Variants in CWF19L2 observed in about 807,000 individuals in gnomAD.
CWF19L2 encodes CWF19-like protein 2.
In CWF19L2, 98 loss-of-function variants were observed where a neutral mutation model predicts 111.7. The ratio of observed to expected loss-of-function variants is 0.88; its 90% CI spans 0.75 to 1.04. The LOEUF is 1.04. CWF19L2 is among the 50% of genes least tolerant of loss of function. The pLI is 0.00. For missense variants in CWF19L2, 1,101 were observed against 1,051.4 expected (o/e 1.05, Z -0.65); for synonymous variants, 351 against 342.9 (o/e 1.02, Z -0.26).
intron 10 of CWF19L2, chr11:107,403,673 T>G: frequency 1.3e-6 from 1 of 779,102 alleles, no homozygotes; most frequent in Non-Finnish European, 2.4e-6. Flanking sequence ...TTGTTCTTCC[T>G]CAGGAATGAT....
rs769300336 is a variant in CWF19L2, at chr11:107,455,789, A to G, written c.106-13T>C. The G allele has an allele frequency of 1.6e-5, 21 of 1,345,618 alleles. No homozygotes were observed. Among genetic ancestry groups the G allele is most frequent in the African/African-American group, 1.4e-4 (9 of 66,656 alleles). The allele number at this position is 1,345,618 out of a possible 1,614,324, so 83.4% of individuals were successfully genotyped here. On this transcript the variant is annotated splice_polypyrimidine_tract_variant and intron_variant, in intron 1 of 17. Transcript: ENST00000282251. Reference sequence around the variant, plus strand: ...AATTGGCTTTAGCCTACAACCAAAGAAAAAAAAAAGACAAACTGGCAATTG... The same window carrying G: ...AATTGGCTTTAGCCTACAACCAAAGGAAAAAAAAAGACAAACTGGCAATTG...
At chr11:107,389,606 T>C (rs1277250241) in intron 12 of CWF19L2, among the ~76,000 whole-genome samples, 6 of 152,178 alleles carry the variant, frequency 3.9e-5, no homozygotes, top group African/African-American at 1.4e-4. Flanking sequence ...GTTAAAATAA[T>C]ATATATTTTC....
chr11:107,357,616 T>G (rs1860257830), intron 12 of CWF19L2, among the ~76,000 whole-genome samples: 1 of 152,180 alleles, frequency 6.6e-6, no homozygotes, highest in Non-Finnish European at 1.5e-5. Flanking sequence ...TCTTGCCAAT[T>G]AAGTCTGACT....
At chr11:107,360,319 T>C (rs563579352) in intron 12 of CWF19L2, among the ~76,000 whole-genome samples, 3 of 152,352 alleles carry the variant, frequency 2.0e-5, no homozygotes, top group South Asian at 4.1e-4. Context: ...CACAATTTCA[T>C]TCTTTCTTAT....
At chr11:107,379,072 A>T (rs1167039741) in intron 12 of CWF19L2, among the ~76,000 whole-genome samples, 1 of 152,166 alleles carries the variant, frequency 6.6e-6, no homozygotes, top group Non-Finnish European at 1.5e-5. Flanking sequence ...GAGATACGTG[A>T]TCCTGGGCAA....
At position 107,369,342 on chromosome 11, in the gene CWF19L2, C is replaced by T. The variant is rs182703462; in HGVS notation, c.1873-15606G>A. ...AATTATGTATAATATAAAAGTAGAG[C>T]TTCAGAGGCACCCTCTCTAGGTAAT... On this transcript the variant is annotated intron_variant, in intron 12 of 17. Coordinates refer to ENST00000282251, the MANE Select transcript of CWF19L2 (RefSeq NM_152434.3). Among the ~76,000 whole-genome samples, 11 of 137,314 alleles carry T rather than the reference C, an allele frequency of 8.0e-5. 4 individuals are homozygous for T. The highest frequency in any genetic ancestry group is 2.9e-4 in the African/African-American group (10 of 34,536). The allele number at this position is 137,314 out of a possible 152,430, so 90.1% of individuals were successfully genotyped here. A position where few individuals can be genotyped will look rare whatever the true frequency, so the allele number is the denominator to read the frequency against.
intron 3 of CWF19L2, among the ~76,000 whole-genome samples, chr11:107,453,358 CA>C (rs1861805058): frequency 6.6e-6 from 1 of 152,054 alleles, no homozygotes; most frequent in African/African-American, 2.4e-5. Flanking sequence ...GTGCTTACAC[CA>C]CCTCTCCCCC....
rs117694216 is a variant in CWF19L2 at position 107,396,891 on chromosome 11, C to T, written c.1618-3996G>A. Among the ~76,000 whole-genome samples, 220 of 152,202 alleles carry T rather than the reference C, an allele frequency of 1.4e-3. 3 individuals carry two copies. In the East Asian group the frequency reaches 0.04, roughly 28 times the overall value. ...GGGAACACACTTCCTCCCGAACATA[C>T]CCCCCAACTGGAGAAGTTGAAGGTC... is the stretch of plus-strand genomic sequence containing the variant. On this transcript the variant is annotated intron_variant, in intron 10 of 17. Coordinates refer to ENST00000282251, the MANE Select transcript of CWF19L2 (RefSeq NM_152434.3).
At chr11:107,337,183 A>G (rs565367217) in intron 14 of CWF19L2, among the ~76,000 whole-genome samples, 31 of 152,332 alleles carry the variant, frequency 2.0e-4, no homozygotes, top group African/African-American at 7.5e-4. Flanking sequence ...ATGTCTGCTG[A>G]CCCATCACTA....
At position 107,357,579 on chromosome 11, in the gene CWF19L2, G is replaced by A. The variant is rs532559962; in HGVS notation, c.1873-3843C>T. Reference sequence around the variant, plus strand: ...GTTGCCAAACCTCTCTGATTTATTTGTAGTGTTTGAATTGAAAATGATACA... The same window carrying A: ...GTTGCCAAACCTCTCTGATTTATTTATAGTGTTTGAATTGAAAATGATACA... On this transcript the variant is annotated intron_variant, in intron 12 of 17. Coordinates refer to ENST00000282251, the MANE Select transcript of CWF19L2 (RefSeq NM_152434.3). 1.7e-3 allele frequency among the ~76,000 whole-genome samples: 261 copies of A among 152,236 alleles called. 1 individual carries two copies. Among genetic ancestry groups the A allele is most frequent in the African/African-American group, 6.1e-3 (255 of 41,552 alleles).
At chr11:107,387,052 C>CAA (rs57294810) in intron 12 of CWF19L2, among the ~76,000 whole-genome samples, 2,281 of 122,440 alleles carry the variant, frequency 0.019, 43 homozygotes, top group African/African-American at 0.064. Context: ...GACCCCGTCT[C>CAA]AAAAAAAAAA....
At chr11:107,341,016 G>A (rs1046778749) in intron 14 of CWF19L2, among the ~76,000 whole-genome samples, 1 of 152,122 alleles carries the variant, frequency 6.6e-6, no homozygotes, top group African/African-American at 2.4e-5. Context: ...ACTGCAGAGT[G>A]GTGAAAAAGT....
At chr11:107,439,806 C>A (rs1027902073) in intron 5 of CWF19L2, among the ~76,000 whole-genome samples, 1 of 152,104 alleles carries the variant, frequency 6.6e-6, no homozygotes, top group Non-Finnish European at 1.5e-5. Flanking sequence ...GACTGGGCCA[C>A]GTGAGCCATT....
At position 107,376,469 on chromosome 11, in the gene CWF19L2, T is replaced by C. The variant is rs1302589525; in HGVS notation, c.1872+13605A>G. ...GCAAGGCTGGTTCAATATACGCAAATCAATAAATGTAATCCAGCATATAAA... is the reference window on the plus strand; with the variant it reads ...GCAAGGCTGGTTCAATATACGCAAACCAATAAATGTAATCCAGCATATAAA... On this transcript the variant is annotated intron_variant, in intron 12 of 17. Transcript: ENST00000282251. Among the ~76,000 whole-genome samples, 5 of 90,648 alleles carry C rather than the reference T, an allele frequency of 5.5e-5. 1 individual carries two copies. The highest frequency in any genetic ancestry group is 1.0e-4 in the Non-Finnish European group (5 of 48,450). The allele number at this position is 90,648 out of a possible 152,430, so 59.5% of individuals were successfully genotyped here.
At chr11:107,402,873 G>GTGTGTATGTATATATATA (rs1247886311) in intron 10 of CWF19L2, among the ~76,000 whole-genome samples, 1 of 94,468 alleles carries the variant, frequency 1.1e-5, no homozygotes, top group East Asian at 3.0e-4. Flanking sequence ...ACTGTGGTGT[G>GTGTGTATGTATATATATA]TATATATATA....
intron 8 of CWF19L2, among the ~76,000 whole-genome samples, chr11:107,418,578 C>G (rs76975861): frequency 2.5e-4 from 38 of 152,248 alleles, no homozygotes; most frequent in African/African-American, 8.9e-4. Flanking sequence ...ATACTCGTAA[C>G]TTTAAAAAGG....
intron 12 of CWF19L2, among the ~76,000 whole-genome samples, chr11:107,358,601 A>C (rs1283388735): frequency 1.3e-5 from 2 of 152,244 alleles, no homozygotes; most frequent in Admixed American, 6.5e-5. Context: ...AGTCATTTAA[A>C]AAAACACTAT....
intron 10 of CWF19L2, among the ~76,000 whole-genome samples, chr11:107,393,272 A>G (rs1860875148): frequency 1.3e-5 from 2 of 152,180 alleles, no homozygotes; most frequent in Non-Finnish European, 2.9e-5. Context: ...AAGAAATAAA[A>G]CAACTAAAGA....
intron 12 of CWF19L2, among the ~76,000 whole-genome samples, chr11:107,359,486 T>C (rs1019826571): frequency 4.6e-5 from 7 of 152,050 alleles, no homozygotes; most frequent in Non-Finnish European, 1.5e-5. Flanking sequence ...GATCCACAAC[T>C]AGGATCCACA....
Sources: allele counts gnomAD v4.1 joint callset (sites outside exome capture counted in the v4.1 genomes callset), GRCh38; gene constraint gnomAD v4.1.1; transcripts MANE v1.5; gene names NCBI Gene and HGNC (gene_info 2026-07-23, HGNC 2026-07-21).